Variants in PPEF2 observed in about 807,000 individuals in gnomAD.
PPEF2 encodes the protein protein phosphatase with EF-hand domain 2.
In PPEF2, 84 loss-of-function variants were observed where a neutral mutation model predicts 84.7. The observed-to-expected ratio is 0.99, with a 90% CI of 0.83 to 1.19. PPEF2 has a LOEUF of 1.19. Ranked by LOEUF, PPEF2 falls within the 50% of genes most tolerant of loss-of-function variation. The pLI, the probability that PPEF2 is intolerant of heterozygous loss-of-function variation, is 0.00. For missense variants in PPEF2, 924 were observed against 937.5 expected (o/e 0.99, Z 0.19); for synonymous variants, 346 against 345.2 (o/e 1.00, Z -0.03).
chr4:75,874,301 G>GTTT (rs1277052520), intron 11 of PPEF2, among the ~76,000 whole-genome samples: 25 of 142,080 alleles, frequency 1.8e-4, no homozygotes, highest in African/African-American at 5.9e-4. Flanking sequence ...CTTTTCTTTT[G>GTTT]TTTTTTTTTT....
In PPEF2 at chr4:75,865,600, G is replaced by A. The variant is rs1419467424; in HGVS notation, c.1920+589C>T. Among the ~76,000 whole-genome samples the A allele has an allele frequency of 2.6e-5, 4 of 151,472 alleles. No individual in the cohort carries two copies. In the East Asian group the frequency reaches 7.9e-4, roughly 30 times the overall value. ...GGGGTTTCATCGTGTTGGCCAGGCT[G>A]GTCTCGAACTCCTGGCCTCAAGTGA... On this transcript the variant is annotated intron_variant, in intron 15 of 16. Transcript: ENST00000286719.
intron 10 of PPEF2, among the ~76,000 whole-genome samples, chr4:75,882,579 G>A (rs1392078668): frequency 2.0e-5 from 3 of 148,758 alleles, no homozygotes; most frequent in Non-Finnish European, 4.4e-5. Flanking sequence ...CTGTGTCCCT[G>A]CAAGATGGAG....
intron 1 of PPEF2, among the ~76,000 whole-genome samples, chr4:75,901,906 A>T (rs1465879164): frequency 6.6e-6 from 1 of 152,168 alleles, no homozygotes; most frequent in Non-Finnish European, 1.5e-5. Flanking sequence ...TCGAGGCTGT[A>T]GTGTGCTATG....
At chr4:75,898,044 C>T (rs1033617820) in intron 1 of PPEF2, among the ~76,000 whole-genome samples, 10 of 152,154 alleles carry the variant, frequency 6.6e-5, no homozygotes, top group African/African-American at 1.9e-4. Flanking sequence ...TTATGGGAAA[C>T]GAAGGGATGG....
chr4:75,893,052 T>C lies in PPEF2; in HGVS notation c.56-1074A>G, dbSNP rs1244120899. Among the ~76,000 whole-genome samples the C allele has an allele frequency of 8.5e-5, 13 of 152,260 alleles. No homozygotes were observed. In the East Asian group the frequency reaches 2.5e-3, roughly 29 times the overall value. On this transcript the variant is annotated intron_variant, in intron 2 of 16. Coordinates refer to ENST00000286719, the MANE Select transcript of PPEF2 (RefSeq NM_006239.3). The stretch of plus-strand genomic sequence containing the variant: ...CCTAAGAGGAAAGATGATGGTGACA[T>C]GGGAAAAGAGAAGCTGGGAGGAACT...
intron 10 of PPEF2, among the ~76,000 whole-genome samples, chr4:75,877,347 AT>A (rs1724452953): frequency 1.4e-5 from 2 of 143,680 alleles, no homozygotes; most frequent in Admixed American, 7.3e-5. Context: ...CAAAAAAAAA[AT>A]AAACAATAAA....
chr4:75,877,163 C>T (rs1724447091), intron 10 of PPEF2, among the ~76,000 whole-genome samples: 2 of 151,592 alleles, frequency 1.3e-5, no homozygotes, highest in Non-Finnish European at 2.9e-5. Context: ...CATGGAGAAA[C>T]CCCATCTCTC....
chr4:75,894,656 G>C (rs1724967301), intron 2 of PPEF2, among the ~76,000 whole-genome samples: 1 of 152,176 alleles, frequency 6.6e-6, no homozygotes, highest in Non-Finnish European at 1.5e-5. Flanking sequence ...ATGGGGATGA[G>C]AGTGAGTTCC....
At chr4:75,863,046 A>C (rs955335639) in intron 16 of PPEF2, among the ~76,000 whole-genome samples, 4 of 152,222 alleles carry the variant, frequency 2.6e-5, no homozygotes, top group Non-Finnish European at 5.9e-5. Context: ...CAGACACCAA[A>C]GGCCATATTT....
In PPEF2 at chr4:75,890,488, C is replaced by CAAAAA. The variant is rs10710879; in HGVS notation, c.242-361_242-357dup. Reference sequence around the variant, plus strand: ...TGAACGATAGAGTGAGACCCTGTCTCAAAAAAAAAAAAAAAAAGTCCTTCC... The same window carrying CAAAAA: ...TGAACGATAGAGTGAGACCCTGTCTCAAAAAAAAAAAAAAAAAAAAAAGTCCTTCC... On this transcript the variant is annotated intron_variant, in intron 4 of 16. Coordinates refer to ENST00000286719, the MANE Select transcript of PPEF2 (RefSeq NM_006239.3). Among the ~76,000 whole-genome samples, 1,135 of 124,572 alleles carry CAAAAA rather than the reference C, an allele frequency of 9.1e-3. 29 individuals carry two copies. Among genetic ancestry groups the CAAAAA allele is most frequent in the African/African-American group, 0.029 (963 of 32,782 alleles). 81.7% of individuals were successfully genotyped at this position (124,572 alleles called of 152,430 possible). A position where few individuals can be genotyped will look rare whatever the true frequency, so the allele number is the denominator to read the frequency against.
At chr4:75,897,534 C>T (rs1725036031) in intron 1 of PPEF2, among the ~76,000 whole-genome samples, 1 of 152,152 alleles carries the variant, frequency 6.6e-6, no homozygotes, top group Admixed American at 6.5e-5. Context: ...TGTCTGTAAT[C>T]CCAGCACTTT....
rs762043966 is a variant in PPEF2, at chr4:75,891,994, A to C, written c.56-16T>G. On this transcript the variant is annotated splice_polypyrimidine_tract_variant and intron_variant, in intron 2 of 16. Coordinates refer to ENST00000286719, the MANE Select transcript of PPEF2 (RefSeq NM_006239.3). ...GCCTTGAAGGCTATGACACCGATGG[A>C]GAAGCAAGCCTGTGAGCTCGGACTC... The C allele has an allele frequency of 6.2e-7, 1 of 1,609,202 alleles. No homozygotes were observed. Among genetic ancestry groups the C allele is most frequent in the Admixed American group, 1.7e-5 (1 of 59,932 alleles).
chr4:75,889,441 G>A (rs1027831062), intron 5 of PPEF2, among the ~76,000 whole-genome samples: 6 of 152,050 alleles, frequency 3.9e-5, no homozygotes, highest in African/African-American at 1.4e-4. Flanking sequence ...TTTCTCCGGC[G>A]CATTCCTCAC....
chr4:75,865,763 C>A (rs1021899656), intron 15 of PPEF2, among the ~76,000 whole-genome samples: 1 of 152,100 alleles, frequency 6.6e-6, no homozygotes, highest in Non-Finnish European at 1.5e-5. Context: ...AAGTACCTAG[C>A]CCAAGGTTGC....
At chr4:75,900,753 G>A (rs868553878) in intron 1 of PPEF2, among the ~76,000 whole-genome samples, 1 of 152,040 alleles carries the variant, frequency 6.6e-6, no homozygotes, top group Non-Finnish European at 1.5e-5. Context: ...CAGATAAAAA[G>A]CACCTTAAAT....
chr4:75,889,812 C>A, intron 5 of PPEF2, 145 bp downstream of exon 5: 1 of 875,482 alleles, frequency 1.1e-6, no homozygotes, highest in Admixed American at 2.4e-5. Flanking sequence ...AAGGTCCTGG[C>A]TAAGCACAGC....
At chr4:75,890,293 C>T (rs1338286156) in intron 4 of PPEF2, among the ~76,000 whole-genome samples, 161 bp from the exon 5 acceptor site, 1 of 151,912 alleles carries the variant, frequency 6.6e-6, no homozygotes, top group Non-Finnish European at 1.5e-5. Flanking sequence ...TGAGAACAGC[C>T]TAGGCAACAT....
At chr4:75,894,546 G>A (rs536403261) in intron 2 of PPEF2, among the ~76,000 whole-genome samples, 14 of 152,262 alleles carry the variant, frequency 9.2e-5, no homozygotes, top group Non-Finnish European at 1.6e-4. Context: ...AAATGAAGAC[G>A]GAACCCATAG....
chr4:75,886,357 C>T (rs184128361), intron 7 of PPEF2, among the ~76,000 whole-genome samples: 1 of 152,300 alleles, frequency 6.6e-6, no homozygotes, highest in Admixed American at 6.5e-5. Context: ...CGGAGAGTCC[C>T]TCCTCCTGGG....
Sources: gnomAD v4.1 joint callset for allele counts (sites outside exome capture counted in the v4.1 genomes callset) on GRCh38, gnomAD v4.1.1 for gene constraint, MANE v1.5 for transcripts, NCBI Gene and HGNC (gene_info 2026-07-23, HGNC 2026-07-21) for gene names.